MPP7: variants seen among roughly 807,000 people sequenced by gnomAD.
The protein encoded by MPP7 is MAGUK p55 subfamily member 7.
MPP7 carries 60 observed loss-of-function variants against 76.5 expected under a neutral mutation model. That is an observed-to-expected ratio of 0.78 (90% CI 0.64 to 0.97). The LOEUF is 0.97. MPP7 is among the 50% of genes least tolerant of loss of function. The pLI is 0.00. For synonymous variants in MPP7, 237 were observed against 244.5 expected, an observed-to-expected ratio of 0.97 and a Z score of 0.29; for missense variants, 641 against 694.0, an observed-to-expected ratio of 0.92 and a Z score of 0.86.
intron 2 of MPP7, among the ~76,000 whole-genome samples, chr10:28,320,932 AG>A (rs1419266469): frequency 6.6e-6 from 1 of 151,968 alleles, no homozygotes; most frequent in African/African-American, 2.4e-5. Flanking sequence ...GAGGCAATTC[AG>A]GGGCAGACAG....
intron 6 of MPP7, among the ~76,000 whole-genome samples, chr10:28,125,957 T>C (rs1835004126): frequency 1.3e-5 from 2 of 152,214 alleles, no homozygotes; most frequent in African/African-American, 4.8e-5. Flanking sequence ...CCATCCAACA[T>C]TGCATAATAC....
At chr10:28,196,914 A>G (rs1380346808) in intron 3 of MPP7, among the ~76,000 whole-genome samples, 1 of 152,124 alleles carries the variant, frequency 6.6e-6, no homozygotes, top group Non-Finnish European at 1.5e-5. Context: ...AAACCTTTCC[A>G]TGCAATGGTT....
At chr10:28,328,489 C>T (rs958978265) in intron 2 of MPP7, among the ~76,000 whole-genome samples, 1 of 151,582 alleles carries the variant, frequency 6.6e-6, no homozygotes, top group Middle Eastern at 3.5e-3. Context: ...TTTTTCTCTC[C>T]AGGTGTCAAG....
Position 28,105,152 on chromosome 10 carries a change from CAAAAAAAAAAAAA to C in MPP7, c.952+14486_952+14498del, listed in dbSNP as rs869250857. On this transcript the variant is annotated intron_variant, in intron 11 of 16. Transcript: ENST00000683449. ...CTGGCGACAGAGTGAGACTCCATCT[CAAAAAAAAAAAAA>C]AAAAAAAAAAAAAGCAAAAACCCTG... Among the ~76,000 whole-genome samples the C allele has an allele frequency of 3.1e-3, 93 of 29,626 alleles. 1 individual carries two copies. The highest frequency in any genetic ancestry group is 9.2e-3 in the South Asian group (8 of 868). The allele number at this position is 29,626 out of a possible 152,430, so 19.4% of individuals were successfully genotyped here. A position where few individuals can be genotyped will look rare whatever the true frequency, so the allele number is the denominator to read the frequency against.
chr10:28,141,857 G>A (rs1016559620), intron 5 of MPP7, among the ~76,000 whole-genome samples: 13 of 151,968 alleles, frequency 8.6e-5, no homozygotes, highest in African/African-American at 3.1e-4. Flanking sequence ...AAGGTATCAT[G>A]CTACAATTAC....
intron 11 of MPP7, among the ~76,000 whole-genome samples, chr10:28,094,170 A>T (rs1331235734): frequency 6.6e-6 from 1 of 152,212 alleles, no homozygotes; most frequent in African/African-American, 2.4e-5. Flanking sequence ...TCGGTTTTTC[A>T]GTAGCAACAG....
At chr10:28,241,640 G>GT (rs113674171) in intron 1 of MPP7, among the ~76,000 whole-genome samples, 24,619 of 151,994 alleles carry the variant, frequency 0.16, 2,309 homozygotes, top group African/African-American at 0.26. Flanking sequence ...AATACCAGCT[G>GT]TAAAGTATGT....
intron 1 of MPP7, among the ~76,000 whole-genome samples, chr10:28,291,269 C>T (rs1260531004): frequency 6.6e-6 from 1 of 152,180 alleles, no homozygotes; most frequent in Non-Finnish European, 1.5e-5. Flanking sequence ...GGAAAAGTAG[C>T]TCCTTTGGAT....
intron 1 of MPP7, among the ~76,000 whole-genome samples, chr10:28,285,277 T>G (rs886442002): frequency 6.6e-6 from 1 of 152,168 alleles, no homozygotes; most frequent in Non-Finnish European, 1.5e-5. Context: ...CTCCACCTCC[T>G]GGGTTAAAAT....
At chr10:28,259,656 G>A (rs1483464581) in intron 1 of MPP7, among the ~76,000 whole-genome samples, 1 of 151,438 alleles carries the variant, frequency 6.6e-6, no homozygotes, top group Non-Finnish European at 1.5e-5. Context: ...CAGGAGATGA[G>A]TTAGTTATGT....
intron 2 of MPP7, among the ~76,000 whole-genome samples, chr10:28,221,732 C>T (rs776047798): frequency 2.0e-5 from 3 of 152,096 alleles, no homozygotes; most frequent in Non-Finnish European, 4.4e-5. Context: ...AATATATATA[C>T]CTTAGGTAGT....
At chr10:28,172,376 T>C (rs1243600542) in intron 3 of MPP7, among the ~76,000 whole-genome samples, 2 of 152,224 alleles carry the variant, frequency 1.3e-5, no homozygotes, top group Non-Finnish European at 2.9e-5. Flanking sequence ...CTGATTTATG[T>C]AGGAAGGTTA....
At chr10:28,325,571 G>A (rs1008536202) in intron 2 of MPP7, among the ~76,000 whole-genome samples, 4 of 151,962 alleles carry the variant, frequency 2.6e-5, no homozygotes, top group Non-Finnish European at 5.9e-5. Context: ...TCAGCTCGCT[G>A]CAACCTCTGT....
At chr10:28,236,037 A>C (rs998246175) in intron 2 of MPP7, among the ~76,000 whole-genome samples, 1 of 152,234 alleles carries the variant, frequency 6.6e-6, no homozygotes, top group Non-Finnish European at 1.5e-5. Context: ...CACATTTCAC[A>C]CTTAAGATTT....
intron 4 of MPP7, 71 bp from the exon 5 acceptor site, chr10:28,147,634 G>A: frequency 7.5e-7 from 1 of 1,329,072 alleles, no homozygotes; most frequent in Non-Finnish European, 1.1e-6. Flanking sequence ...TGTGACAACT[G>A]AGAATCTAAC....
At chr10:28,228,974 G>C (rs1252559596) in intron 2 of MPP7, among the ~76,000 whole-genome samples, 1 of 152,136 alleles carries the variant, frequency 6.6e-6, no homozygotes, top group Non-Finnish European at 1.5e-5. Context: ...AGAGGGTTAA[G>C]AAAGATAAGG....
At chr10:28,231,186 G>C (rs1437313593) in intron 2 of MPP7, among the ~76,000 whole-genome samples, 1 of 148,438 alleles carries the variant, frequency 6.7e-6, no homozygotes, top group South Asian at 2.1e-4. Flanking sequence ...AAAAAAAAAT[G>C]AAAAAAACTC....
chr10:28,100,705 G>C (rs1200735490), intron 11 of MPP7, among the ~76,000 whole-genome samples: 1 of 152,086 alleles, frequency 6.6e-6, no homozygotes, highest in Non-Finnish European at 1.5e-5. Flanking sequence ...ACACCCTTGA[G>C]TCTTTCAGCT....
chr10:28,321,951 G>A (rs1454366181), intron 2 of MPP7, among the ~76,000 whole-genome samples: 6 of 37,372 alleles, frequency 1.6e-4, no homozygotes, highest in Admixed American at 3.8e-4. Flanking sequence ...TTGTAGACGT[G>A]TGTGTGTGTG....
Sources: gnomAD v4.1 joint callset for allele counts (sites outside exome capture counted in the v4.1 genomes callset) on GRCh38, gnomAD v4.1.1 for gene constraint, MANE v1.5 for transcripts, NCBI Gene and HGNC (gene_info 2026-07-23, HGNC 2026-07-21) for gene names.